Variants in NFE2L2 observed in about 807,000 individuals in gnomAD.
NFE2L2 encodes the protein NFE2 like bZIP transcription factor 2.
NFE2L2 carries 20 observed loss-of-function variants against 49.6 expected under a neutral mutation model. That is an observed-to-expected ratio of 0.40 (90% CI 0.28 to 0.59). The LOEUF is 0.59. NFE2L2 is among the 20% of genes least tolerant of loss of function. NFE2L2 has a pLI of 0.40. For synonymous variants in NFE2L2, 244 were observed against 256.5 expected, an observed-to-expected ratio of 0.95 and a Z score of 0.47; for missense variants, 578 against 714.2, an observed-to-expected ratio of 0.81 and a Z score of 2.17.
At chr2:177,250,190 G>A (rs932822637) in intron 1 of NFE2L2, among the ~76,000 whole-genome samples, 8 of 152,228 alleles carry the variant, frequency 5.3e-5, no homozygotes, top group Non-Finnish European at 1.0e-4. Context: ...TTATGGTGCA[G>A]ATGCTATTCA....
intron 1 of NFE2L2, among the ~76,000 whole-genome samples, chr2:177,261,766 C>T (rs1270122415): frequency 1.3e-5 from 2 of 152,082 alleles, no homozygotes; most frequent in African/African-American, 4.8e-5. Flanking sequence ...TATCTTAGTG[C>T]CAAATTCTTC....
At position 177,239,732 on chromosome 2, in the gene NFE2L2, A is replaced by G. The variant is rs138747587; in HGVS notation, c.46-5461T>C. ...CTATGAGAGGTCTCAAAACAAAACA[A>G]AACAAAACTGCTTCATAAAAGAAAA... is the stretch of plus-strand genomic sequence containing the variant. On this transcript the variant is annotated intron_variant, in intron 1 of 4. Coordinates refer to ENST00000397062, the MANE Select transcript of NFE2L2 (RefSeq NM_006164.5). Among the ~76,000 whole-genome samples, 317 of 152,304 alleles carry G rather than the reference A, an allele frequency of 2.1e-3. 1 individual carries two copies. The highest frequency in any genetic ancestry group is 3.4e-3 in the Middle Eastern group (1 of 294).
intron 1 of NFE2L2, among the ~76,000 whole-genome samples, chr2:177,254,054 G>A (rs540733364): frequency 6.6e-6 from 1 of 152,284 alleles, no homozygotes; most frequent in South Asian, 2.1e-4. Context: ...GTGCCCAGCA[G>A]AAAAGGTGGC....
At chr2:177,251,780 C>T (rs534059955) in intron 1 of NFE2L2, among the ~76,000 whole-genome samples, 9 of 151,648 alleles carry the variant, frequency 5.9e-5, no homozygotes, top group African/African-American at 1.9e-4. Flanking sequence ...CCGAGGTGGG[C>T]GGATCACGAG....
At chr2:177,237,896 T>G (rs1205118743) in intron 1 of NFE2L2, among the ~76,000 whole-genome samples, 1 of 152,180 alleles carries the variant, frequency 6.6e-6, no homozygotes, top group African/African-American at 2.4e-5. Context: ...GGGTATCCTG[T>G]CTAGACTTTC....
chr2:177,231,581 T>A lies in NFE2L2; in HGVS notation c.1022A>T (p.Asp341Val), dbSNP rs199673454. 253 of 1,614,212 alleles carry A rather than the reference T, an allele frequency of 1.6e-4. No homozygotes were observed. Among genetic ancestry groups the A allele is most frequent in the Non-Finnish European group, 2.1e-4 (243 of 1,180,024 alleles). Residue 341 changes from aspartate to valine, a missense_variant, in exon 5 of 5, where the codon GAT becomes GTT. Asp to Val is a radical substitution (Grantham distance 152). Transcript: ENST00000397062. ...GTTTAGTGAAATGCCGGAGTCAGAA[T>A]CATTGAATTCTGCTGTGCTTTCAGG... is the stretch of plus-strand genomic sequence containing the variant. ...NHPESTAEFNDSDSGISLNTS... is the reference protein window; with the variant it reads ...NHPESTAEFNVSDSGISLNTS...
At chr2:177,233,976 AACT>A in intron 2 of NFE2L2, 26 bp downstream of exon 2, 1 of 1,611,818 alleles carries the variant, frequency 6.2e-7, no homozygotes, top group Non-Finnish European at 8.5e-7. Context: ...AACCTGCCAT[AACT>A]TTCCCAAGAA....
chr2:177,259,162 C>T (rs1011793819), intron 1 of NFE2L2, among the ~76,000 whole-genome samples: 1 of 152,042 alleles, frequency 6.6e-6, no homozygotes, highest in African/African-American at 2.4e-5. Context: ...ATTAACCGGG[C>T]GTGGCGGCAC....
chr2:177,257,115 A>G (rs969274647), intron 1 of NFE2L2, among the ~76,000 whole-genome samples: 3 of 152,262 alleles, frequency 2.0e-5, no homozygotes, highest in African/African-American at 7.2e-5. Flanking sequence ...CAGAGAACCA[A>G]AAAATGAAGT....
chr2:177,251,456 A>G (rs1690334559), intron 1 of NFE2L2, among the ~76,000 whole-genome samples: 1 of 152,194 alleles, frequency 6.6e-6, no homozygotes, highest in South Asian at 2.1e-4. Context: ...AAGGAATCCT[A>G]TGAGATGGTT....
At chr2:177,250,064 A>C (rs888254720) in intron 1 of NFE2L2, among the ~76,000 whole-genome samples, 1 of 152,210 alleles carries the variant, frequency 6.6e-6, no homozygotes, top group African/African-American at 2.4e-5. Flanking sequence ...CAGTATTTGT[A>C]CTGTTAGCAA....
chr2:177,258,550 T>G (rs1417588648), intron 1 of NFE2L2, among the ~76,000 whole-genome samples: 2 of 152,288 alleles, frequency 1.3e-5, no homozygotes, highest in African/African-American at 2.4e-5. Flanking sequence ...AACTACTAAA[T>G]TCATAGGGTT....
At chr2:177,263,652 C>CCA in intron 1 of NFE2L2, 1 of 985,564 alleles carries the variant, frequency 1.0e-6, no homozygotes, top group Non-Finnish European at 1.2e-6. Flanking sequence ...GCGGTGAGCG[C>CCA]CACCAGGGGG....
intron 1 of NFE2L2, among the ~76,000 whole-genome samples, chr2:177,241,122 C>A (rs1201920642): frequency 1.3e-5 from 2 of 152,192 alleles, no homozygotes; most frequent in Non-Finnish European, 2.9e-5. Flanking sequence ...TAACTCTCAA[C>A]AGAAAGCGAA....
Position 177,231,827 on chromosome 2 carries a change from G to A in NFE2L2, c.776C>T (p.Ser259Phe), listed in dbSNP as rs1187867270. 1.3e-5 allele frequency: 21 copies of A among 1,614,202 alleles called. No individual in the cohort carries two copies. The highest frequency in any genetic ancestry group is 1.8e-5 in the Non-Finnish European group (21 of 1,180,020). Residue 259 changes from serine (S) to phenylalanine (F), a missense_variant, in exon 5 of 5, where the codon TCC (serine) becomes TTC (phenylalanine). Ser to Phe is a radical substitution (Grantham distance 155). Around this residue, in one of 3 missense-constraint regions of NFE2L2, gnomAD observed 368 missense variants for 384.6 expected, o/e 0.96. Coordinates refer to ENST00000397062, the MANE Select transcript of NFE2L2 (RefSeq NM_006164.5). ...AFEDSFSSIL[S>F]TEDPNQLTVN... The stretch of plus-strand genomic sequence containing the variant: ...TGTCAACTGGTTGGGGTCTTCTGTG[G>A]AGAGGATGCTGCTGAAGGAATCCTC...
Position 177,234,284 on chromosome 2 carries a change from C to CA in NFE2L2, c.46-14dup. ...TCAAATCCATGTCCTATGTTTAAGA[C>CA]AAAAAAAGGAAGGAGAGAGCTCATG... On this transcript the variant is annotated splice_polypyrimidine_tract_variant and intron_variant, in intron 1 of 4. Coordinates refer to ENST00000397062, the MANE Select transcript of NFE2L2 (RefSeq NM_006164.5). 1.9e-6 allele frequency: 3 copies of CA among 1,581,148 alleles called. No homozygotes were observed. Among genetic ancestry groups the CA allele is most frequent in the South Asian group, 1.2e-5 (1 of 85,690 alleles).
Position 177,230,767 on chromosome 2 carries a change from G to A in NFE2L2, c.*18C>T. The A allele has an allele frequency of 6.4e-7, 1 of 1,559,646 alleles. No homozygotes were observed. Among genetic ancestry groups the A allele is most frequent in the Non-Finnish European group, 8.6e-7 (1 of 1,160,434 alleles). ...AGTACAAAAAAACTAGCTCAGAAAA[G>A]GTCAAATCCTCCTAAATCTAGTTTT... is the stretch of plus-strand genomic sequence containing the variant. On this transcript the variant is annotated 3_prime_UTR_variant, in exon 5 of 5. Transcript: ENST00000397062.
chr2:177,250,216 G>C (rs1690285122), intron 1 of NFE2L2, among the ~76,000 whole-genome samples: 2 of 152,218 alleles, frequency 1.3e-5, no homozygotes, highest in African/African-American at 2.4e-5. Context: ...CATGATTATT[G>C]CAAAGGTCAT....
chr2:177,263,373 G>A (rs1005797426), intron 1 of NFE2L2: 14 of 985,234 alleles, frequency 1.4e-5, no homozygotes, highest in Non-Finnish European at 1.7e-5. Context: ...AAAAGCAACA[G>A]AAATTCTAAT....
Sources: gnomAD v4.1 joint callset for allele counts (sites outside exome capture counted in the v4.1 genomes callset) on GRCh38, gnomAD v4.1.1 for gene constraint, gnomAD v4.1.1 regional missense constraint, MANE v1.5 for transcripts, NCBI Gene and HGNC (gene_info 2026-07-23, HGNC 2026-07-21) for gene names.